The following SEMA3D variants were observed in gnomAD, a reference collection of about 807,000 sequenced individuals.
SEMA3D encodes the protein semaphorin-3D.
SEMA3D carries 84 observed loss-of-function variants against 100.1 expected under a neutral mutation model. The ratio of observed to expected loss-of-function variants is 0.84; its 90% CI spans 0.70 to 1.01. The LOEUF (loss-of-function observed/expected upper bound fraction) is 1.01, where lower values mean the gene tolerates loss of function less well. Among genes scored for constraint, SEMA3D ranks in the 50% least tolerant of loss-of-function variants. The pLI is 0.00. For synonymous variants in SEMA3D, 312 were observed against 320.7 expected, an observed-to-expected ratio of 0.97 and a Z score of 0.29; for missense variants, 875 against 934.1, an observed-to-expected ratio of 0.94 and a Z score of 0.82.
At chr7:85,093,867 T>C (rs1788472269) in intron 4 of SEMA3D, among the ~76,000 whole-genome samples, 1 of 152,000 alleles carries the variant, frequency 6.6e-6, no homozygotes, top group South Asian at 2.1e-4. Context: ...CTGACAACAC[T>C]ATCAGCTAGG....
the SEMA3D span, among the ~76,000 whole-genome samples, chr7:85,203,418 T>G: frequency 6.6e-6 from 1 of 152,164 alleles, no homozygotes; most frequent in Non-Finnish European, 1.5e-5. Context: ...GATAAAGTTT[T>G]ATTGGAGTTC....
Position 84,999,870 on chromosome 7 carries a change from A to C in SEMA3D, c.1909-5T>G. The C allele has an allele frequency of 6.2e-7, 1 of 1,609,978 alleles. No homozygotes were observed. The highest frequency in any genetic ancestry group is 8.5e-7 in the Non-Finnish European group (1 of 1,177,322). On this transcript the variant is annotated splice_polypyrimidine_tract_variant and splice_region_variant and intron_variant, in intron 18 of 18. Transcript: ENST00000284136. ...GATTCTTTCATCGGGCTTCAACTGC[A>C]GAATTGGAAAAATGTAGGTAATAAA...
At chr7:85,028,369 T>C in intron 12 of SEMA3D, 1 of 546,734 alleles carries the variant, frequency 1.8e-6, no homozygotes, top group Non-Finnish European at 3.2e-6. Flanking sequence ...TCGCTGCTAT[T>C]GCTTACAGTT....
chr7:85,070,868 C>T (rs1384555870), intron 6 of SEMA3D, among the ~76,000 whole-genome samples: 1 of 152,138 alleles, frequency 6.6e-6, no homozygotes, highest in Non-Finnish European at 1.5e-5. Flanking sequence ...GCAACCTCCG[C>T]CTCCCGAGTT....
At chr7:85,223,941 A>G in the SEMA3D span, among the ~76,000 whole-genome samples, 2 of 152,148 alleles carry the variant, frequency 1.3e-5, no homozygotes, top group Non-Finnish European at 2.9e-5. Flanking sequence ...GAAAAGAACC[A>G]CACACTACAA....
At position 84,997,687 on chromosome 7, in the gene SEMA3D, C is replaced by T. The variant is rs1242710481; in HGVS notation, c.*1753G>A. 6.6e-6 allele frequency: 1 copy of T among 152,480 alleles called. No homozygotes were observed. The highest frequency in any genetic ancestry group is 2.4e-5 in the African/African-American group (1 of 41,418). The allele number at this position is 152,480 out of a possible 1,614,324, so 9.4% of individuals were successfully genotyped here. On this transcript the variant is annotated 3_prime_UTR_variant, in exon 19 of 19. Coordinates refer to ENST00000284136, the MANE Select transcript of SEMA3D (RefSeq NM_001384900.1). ...GCCACAGATCTTGCATTAAGTTGCC[C>T]TCTAATCACAGGGTTTTCTCACAGA... is the stretch of plus-strand genomic sequence containing the variant.
At chr7:85,077,246 A>T (rs975239276) in intron 5 of SEMA3D, among the ~76,000 whole-genome samples, 1 of 152,078 alleles carries the variant, frequency 6.6e-6, no homozygotes, top group Non-Finnish European at 1.5e-5. Context: ...ATAATCAGTT[A>T]CGGTAAAAGT....
chr7:85,144,503 T>G (rs1364509766), intron 2 of SEMA3D: 2 of 977,880 alleles, frequency 2.0e-6, no homozygotes, highest in African/African-American at 3.5e-5. Context: ...ATTCTCAGAA[T>G]AGAGATATAT....
rs573738576 is a variant in SEMA3D at position 85,028,674 on chromosome 7, A to T, written c.1192-6061T>A. 14 of 198,448 alleles carry T rather than the reference A, an allele frequency of 7.1e-5. No individual in the cohort carries two copies. The South Asian group carries it at 1.3e-3, about 19-fold the overall frequency. 12.3% of individuals were successfully genotyped at this position (198,448 alleles called of 1,614,324 possible). A position where few individuals can be genotyped will look rare whatever the true frequency, so the allele number is the denominator to read the frequency against. ...TCTTCCAGCACTGAAACCAGTACTG[A>T]GGTCAATTCTCTTCATGAAGGAATC... On this transcript the variant is annotated intron_variant, in intron 12 of 18. Transcript: ENST00000284136.
intron 4 of SEMA3D, among the ~76,000 whole-genome samples, chr7:85,090,496 A>G (rs1017414599): frequency 2.0e-5 from 3 of 152,204 alleles, no homozygotes; most frequent in Non-Finnish European, 4.4e-5. Context: ...GGATGTCCAC[A>G]TGCTTTCCAA....
At chr7:85,211,628 T>C in the SEMA3D span, among the ~76,000 whole-genome samples, 6 of 152,006 alleles carry the variant, frequency 3.9e-5, no homozygotes, top group African/African-American at 7.2e-5. Flanking sequence ...AAAGCCTAAA[T>C]AGACAAGAAA....
intron 11 of SEMA3D, among the ~76,000 whole-genome samples, chr7:85,038,542 A>G (rs867627952): frequency 4.6e-5 from 7 of 152,200 alleles, no homozygotes; most frequent in African/African-American, 1.4e-4. Context: ...AAGTATAGGA[A>G]GAACAAAGAG....
intron 3 of SEMA3D, among the ~76,000 whole-genome samples, 184 bp downstream of exon 3, chr7:85,121,557 T>C (rs1312455913): frequency 6.6e-6 from 1 of 152,214 alleles, no homozygotes; most frequent in Admixed American, 6.5e-5. Context: ...CTTGAATAGC[T>C]TTAGCATCTT....
At position 85,020,332 on chromosome 7, in the gene SEMA3D, G is replaced by A. The variant is rs770668427; in HGVS notation, c.1415-11C>T. 1.3e-5 allele frequency: 21 copies of A among 1,594,456 alleles called. No homozygotes were observed. Among genetic ancestry groups the A allele is most frequent in the Non-Finnish European group, 1.7e-5 (20 of 1,164,072 alleles). On this transcript the variant is annotated splice_polypyrimidine_tract_variant and intron_variant, in intron 13 of 18. Transcript: ENST00000284136. Reference sequence around the variant, plus strand: ...GGACAGTTCCAATGTCTGAAAAAATGCATAACCCATGATCCCATTGTTTCT... The same window carrying A: ...GGACAGTTCCAATGTCTGAAAAAATACATAACCCATGATCCCATTGTTTCT...
intron 3 of SEMA3D, among the ~76,000 whole-genome samples, chr7:85,100,012 GA>G (rs1788695806): frequency 6.6e-6 from 1 of 151,820 alleles, no homozygotes; most frequent in Non-Finnish European, 1.5e-5. Context: ...ATAGTATTTA[GA>G]TTGATGCCTG....
At chr7:85,142,922 A>G (rs1164212964) in intron 2 of SEMA3D, 1 of 985,330 alleles carries the variant, frequency 1.0e-6, no homozygotes, top group East Asian at 1.1e-4. Flanking sequence ...TGGGAATCCC[A>G]AATGCTGAGA....
At chr7:85,145,612 T>C (rs1334727440) in intron 2 of SEMA3D, among the ~76,000 whole-genome samples, 2 of 152,180 alleles carry the variant, frequency 1.3e-5, no homozygotes, top group Admixed American at 1.3e-4. Flanking sequence ...ATAGAGTATG[T>C]TTAATAATAC....
chr7:85,162,171 G>A (rs1790765158), intron 1 of SEMA3D, among the ~76,000 whole-genome samples: 1 of 151,854 alleles, frequency 6.6e-6, no homozygotes. Flanking sequence ...GAATCAGAGG[G>A]GTTTCTGAGC....
chr7:85,203,669 T>C, the SEMA3D span, among the ~76,000 whole-genome samples: 1 of 152,110 alleles, frequency 6.6e-6, no homozygotes, highest in Non-Finnish European at 1.5e-5. Flanking sequence ...AAATTTGCAA[T>C]TTTTCTGGAA....
Sources: gnomAD v4.1 joint callset for allele counts (sites outside exome capture counted in the v4.1 genomes callset) on GRCh38, gnomAD v4.1.1 for gene constraint, MANE v1.5 for transcripts, NCBI Gene and HGNC (gene_info 2026-07-23, HGNC 2026-07-21) for gene names.